The following PRKCE variants were observed in gnomAD, a reference collection of about 807,000 sequenced individuals.
PRKCE encodes the protein protein kinase C epsilon type.
PRKCE carries 16 observed loss-of-function variants against 85.4 expected under a neutral mutation model. The ratio of observed to expected loss-of-function variants is 0.19; its 90% confidence interval spans 0.13 to 0.28. PRKCE has a LOEUF of 0.28. Among genes scored for constraint, PRKCE ranks in the 10% least tolerant of loss-of-function variants. The probability of loss-of-function intolerance (pLI) is 1.00; values close to 1 mark genes in which losing one functional copy is unlikely to be tolerated. For missense variants in PRKCE, 573 were observed against 975.2 expected, an observed-to-expected ratio of 0.59 and a Z score of 5.49; for synonymous variants, 388 against 371.5, an observed-to-expected ratio of 1.04 and a Z score of -0.51.
intron 10 of PRKCE, among the ~76,000 whole-genome samples, chr2:46,081,024 C>T (rs956669092): frequency 6.6e-5 from 10 of 151,368 alleles, no homozygotes; most frequent in South Asian, 4.2e-4. Flanking sequence ...CAGGGTTTCA[C>T]CGTGTTGCCC....
intron 1 of PRKCE, among the ~76,000 whole-genome samples, chr2:45,673,497 A>T (rs916307301): frequency 1.3e-5 from 2 of 152,200 alleles, no homozygotes; most frequent in African/African-American, 4.8e-5. Flanking sequence ...TCTTGATGTC[A>T]TTTGGGAAAC....
At chr2:46,010,252 G>T in intron 9 of PRKCE, 92 bp from the exon 10 acceptor site, 1 of 1,332,260 alleles carries the variant, frequency 7.5e-7, no homozygotes, top group Non-Finnish European at 1.0e-6. Flanking sequence ...AGAAAAAACA[G>T]AATTCGTTTT....
At chr2:45,959,632 G>A (rs1463786640) in intron 2 of PRKCE, among the ~76,000 whole-genome samples, 1 of 152,140 alleles carries the variant, frequency 6.6e-6, no homozygotes, top group Non-Finnish European at 1.5e-5. Flanking sequence ...CAGATTTAGG[G>A]AACACTTTGA....
chr2:46,090,896 T>G (rs1265415548), intron 11 of PRKCE, among the ~76,000 whole-genome samples: 1 of 152,200 alleles, frequency 6.6e-6, no homozygotes, highest in Non-Finnish European at 1.5e-5. Context: ...CAAGACCAAA[T>G]TTAGGAGGAC....
chr2:46,054,193 T>C (rs1419603911), intron 10 of PRKCE, among the ~76,000 whole-genome samples: 2 of 152,248 alleles, frequency 1.3e-5, no homozygotes, highest in African/African-American at 2.4e-5. Context: ...AGGCTGTTAC[T>C]GTTATTACTT....
chr2:45,985,297 T>C (rs1703223842), intron 6 of PRKCE, among the ~76,000 whole-genome samples: 2 of 152,142 alleles, frequency 1.3e-5, no homozygotes, highest in African/African-American at 4.8e-5. Context: ...TTTCCTGCCG[T>C]GCCACCCGCA....
chr2:45,928,916 C>T (rs1324229512), intron 2 of PRKCE, among the ~76,000 whole-genome samples: 1 of 152,182 alleles, frequency 6.6e-6, no homozygotes, highest in African/African-American at 2.4e-5. Context: ...CTGGGGGCCC[C>T]TCTGTCAGCG....
rs781489102 is a variant in PRKCE at position 45,697,666 on chromosome 2, C to T, written c.348+45218C>T. 6.6e-6 allele frequency among the ~76,000 whole-genome samples: 1 copy of T among 152,154 alleles called. No homozygotes were observed. The highest frequency in any genetic ancestry group is 1.5e-5 in the Non-Finnish European group (1 of 68,036). ...GCAGGTGCCATCTTCACCTGAAGGC[C>T]CTTGGCTCCAACCTGCCTCTGTTCC... is the stretch of plus-strand genomic sequence containing the variant. On this transcript the variant is annotated intron_variant, in intron 1 of 14. Transcript: ENST00000306156. The surrounding 1 kb of genome is among the most constrained non-coding windows in gnomAD (Gnocchi z 4.2).
At chr2:45,813,654 A>G (rs4953262) in intron 1 of PRKCE, among the ~76,000 whole-genome samples, 82,065 of 152,018 alleles carry the variant, frequency 0.54, 22,602 homozygotes, top group Non-Finnish European at 0.57. Context: ...AGCCACTTCC[A>G]GCATACAGGA....
rs1300463384 is a variant in PRKCE at position 45,905,010 on chromosome 2, G to T, written c.412+61947G>T. On this transcript the variant is annotated intron_variant, in intron 2 of 14. Coordinates refer to ENST00000306156, the MANE Select transcript of PRKCE (RefSeq NM_005400.3). This position sits in a 1 kb window ranked among gnomAD's most constrained non-coding sequence, Gnocchi z 4.4. ...GACCATTGTACAGACAGCGACAGGG[G>T]CTCCACATCACTTCAGCAGGCACGG... is the stretch of plus-strand genomic sequence containing the variant. Among the ~76,000 whole-genome samples, 1 of 152,340 alleles carries T rather than the reference G, an allele frequency of 6.6e-6. No homozygotes were observed.
At chr2:46,099,564 C>G (rs1671018301) in intron 11 of PRKCE, among the ~76,000 whole-genome samples, 1 of 151,146 alleles carries the variant, frequency 6.6e-6, no homozygotes, top group African/African-American at 2.4e-5. Context: ...TTTTTCCTGG[C>G]TGTTAGTTAT....
chr2:46,168,135 T>C (rs933761298), intron 14 of PRKCE, among the ~76,000 whole-genome samples: 3 of 152,080 alleles, frequency 2.0e-5, no homozygotes, highest in Non-Finnish European at 4.4e-5. Flanking sequence ...CTACCCCCAC[T>C]CCAGGGAAGA....
chr2:46,010,755 G>A lies in PRKCE; in HGVS notation c.1437+238G>A, dbSNP rs779297740. The A allele has an allele frequency of 2.5e-6, 4 of 1,598,056 alleles. 1 individual carries two copies. The Admixed American group carries it at 5.0e-5, about 20-fold the overall frequency. ...AGCTGTAGAATTCTTTGCAGCCAGAGTTGGACAAAGCCAAATGGCTAAACT... is the reference window on the plus strand; with the variant it reads ...AGCTGTAGAATTCTTTGCAGCCAGAATTGGACAAAGCCAAATGGCTAAACT... On this transcript the variant is annotated intron_variant, in intron 10 of 14. Coordinates refer to ENST00000306156, the MANE Select transcript of PRKCE (RefSeq NM_005400.3).
chr2:45,947,959 C>T (rs563819371), intron 2 of PRKCE, among the ~76,000 whole-genome samples: 9 of 152,230 alleles, frequency 5.9e-5, no homozygotes, highest in East Asian at 1.9e-4. Context: ...ATGTGAAGTC[C>T]GCAGTGTTGT....
At chr2:45,879,874 G>A (rs371426878) in intron 2 of PRKCE, among the ~76,000 whole-genome samples, 145 of 152,310 alleles carry the variant, frequency 9.5e-4, no homozygotes, top group African/African-American at 3.3e-3. Context: ...TTATTTCTTT[G>A]TGTTGGGAAT....
At chr2:45,918,531 A>G (rs1271823302) in intron 2 of PRKCE, among the ~76,000 whole-genome samples, 1 of 152,268 alleles carries the variant, frequency 6.6e-6, no homozygotes, top group Non-Finnish European at 1.5e-5. Context: ...GGTTCGGACA[A>G]TAAATGCAAT....
chr2:45,913,611 C>T (rs550098328), intron 2 of PRKCE, among the ~76,000 whole-genome samples: 1 of 152,348 alleles, frequency 6.6e-6, no homozygotes, highest in African/African-American at 2.4e-5. Context: ...ATCTCTCCAA[C>T]CCTAGTTTTT....
intron 2 of PRKCE, among the ~76,000 whole-genome samples, chr2:45,917,707 G>T (rs527499611): frequency 6.6e-6 from 1 of 152,334 alleles, no homozygotes; most frequent in African/African-American, 2.4e-5. Context: ...GGGACTGGGC[G>T]CCGTGGAGCA....
chr2:46,083,057 C>G (rs559230227), intron 10 of PRKCE, among the ~76,000 whole-genome samples: 1 of 152,188 alleles, frequency 6.6e-6, no homozygotes, highest in Admixed American at 6.5e-5. Flanking sequence ...AAATGATTCT[C>G]TTTCATGCCT....
Sources: allele counts gnomAD v4.1 joint callset (sites outside exome capture counted in the v4.1 genomes callset), GRCh38; gene constraint gnomAD v4.1.1; non-coding constraint Gnocchi (gnomAD v3.1); transcripts MANE v1.5; gene names NCBI Gene and HGNC (gene_info 2026-07-23, HGNC 2026-07-21).